CTNNAL1: variants seen among roughly 807,000 people sequenced by gnomAD.
CTNNAL1 encodes the protein catenin alpha like 1.
Under a neutral mutation model 93.6 loss-of-function variants are expected in CTNNAL1, and 69 were observed. The ratio of observed to expected loss-of-function variants is 0.74; its 90% CI spans 0.61 to 0.90. CTNNAL1 has a LOEUF of 0.90. CTNNAL1 is among the 40% of genes least tolerant of loss of function. CTNNAL1 has a pLI of 0.00. For synonymous variants in CTNNAL1, 286 were observed against 305.4 expected (o/e 0.94, Z 0.66); for missense variants, 836 against 862.0 (o/e 0.97, Z 0.38).
chr9:108,985,841 C>T (rs1339206143), intron 4 of CTNNAL1, among the ~76,000 whole-genome samples: 1 of 152,120 alleles, frequency 6.6e-6, no homozygotes, highest in Non-Finnish European at 1.5e-5. Context: ...ACACCATAGG[C>T]TGTATGGTGA....
At chr9:108,999,343 C>A in intron 1 of CTNNAL1, 87 bp from the exon 2 acceptor site, 1 of 1,323,218 alleles carries the variant, frequency 7.6e-7, no homozygotes, top group South Asian at 1.5e-5. Flanking sequence ...TGAAGCCTGG[C>A]ATACTGTATA....
At chr9:108,950,456 T>C in intron 14 of CTNNAL1, 8 of 1,537,412 alleles carry the variant, frequency 5.2e-6, no homozygotes, top group Non-Finnish European at 7.0e-6. Flanking sequence ...AAATGACAGC[T>C]AAACAGCAGC....
chr9:108,993,759 T>C (rs555201178), intron 2 of CTNNAL1, among the ~76,000 whole-genome samples: 2 of 152,370 alleles, frequency 1.3e-5, no homozygotes, highest in African/African-American at 4.8e-5. Flanking sequence ...TCAAGATCAT[T>C]TTTTAAAGTC....
At chr9:108,970,172 T>C (rs1036597205) in intron 10 of CTNNAL1, among the ~76,000 whole-genome samples, 1 of 152,242 alleles carries the variant, frequency 6.6e-6, no homozygotes, top group Non-Finnish European at 1.5e-5. Context: ...AAAATAGATA[T>C]AAACTAGAGT....
chr9:109,012,257 G>A (rs543827944), intron 1 of CTNNAL1, among the ~76,000 whole-genome samples: 1 of 152,358 alleles, frequency 6.6e-6, no homozygotes, highest in African/African-American at 2.4e-5. Flanking sequence ...CTATGCAACA[G>A]CTACAGGCTC....
rs532301135 is a variant in CTNNAL1 at position 108,972,345 on chromosome 9, T to G, written c.1347+330A>C. On this transcript the variant is annotated intron_variant, in intron 9 of 18. Coordinates refer to ENST00000325551, the MANE Select transcript of CTNNAL1 (RefSeq NM_003798.4). ...AAATTGTCCTAATTTGAGTGTGTCA[T>G]CTCCTCCCTGCTGAGACCCTGACAG... is the stretch of plus-strand genomic sequence containing the variant. Among the ~76,000 whole-genome samples, 5 of 152,226 alleles carry G rather than the reference T, an allele frequency of 3.3e-5. No individual in the cohort carries two copies. The South Asian group carries it at 8.3e-4, about 25-fold the overall frequency.
chr9:108,955,569 T>C lies in CTNNAL1; in HGVS notation c.1629+221A>G, dbSNP rs543910077. Among the ~76,000 whole-genome samples the C allele has an allele frequency of 1.6e-4, 24 of 152,334 alleles. No individual in the cohort carries two copies. In the South Asian group the frequency reaches 4.1e-3, roughly 26 times the overall value. ...GGCTTTTTATTAATCACAAATTATG[T>C]TACCTATTCTCTCAAACCCCCAAAC... is the stretch of plus-strand genomic sequence containing the variant. On this transcript the variant is annotated intron_variant, in intron 12 of 18. Transcript: ENST00000325551.
chr9:108,954,466 T>C (rs1391238495), intron 12 of CTNNAL1, among the ~76,000 whole-genome samples: 1 of 152,208 alleles, frequency 6.6e-6, no homozygotes, highest in African/African-American at 2.4e-5. Flanking sequence ...CTCAAAAAAT[T>C]ATTTTGTAGT....
At chr9:108,950,023 CA>C (rs145183101) in intron 14 of CTNNAL1, among the ~76,000 whole-genome samples, 14,715 of 76,072 alleles carry the variant, frequency 0.19, 728 homozygotes, top group African/African-American at 0.31. Flanking sequence ...GGCTACATCT[CA>C]AAAAAAAAAA....
intron 8 of CTNNAL1, among the ~76,000 whole-genome samples, chr9:108,974,950 G>T (rs1288566605): frequency 6.6e-6 from 1 of 152,086 alleles, no homozygotes; most frequent in Non-Finnish European, 1.5e-5. Context: ...ATCGTTTGAG[G>T]TCAGGAGTTT....
intron 1 of CTNNAL1, among the ~76,000 whole-genome samples, chr9:109,004,049 A>G (rs1826937049): frequency 6.6e-6 from 1 of 152,216 alleles, no homozygotes; most frequent in Admixed American, 6.5e-5. Context: ...AGGGCAAGTC[A>G]TAAAGTCACT....
chr9:108,977,658 T>C (rs546634753), intron 7 of CTNNAL1, among the ~76,000 whole-genome samples: 3 of 152,196 alleles, frequency 2.0e-5, no homozygotes, highest in Non-Finnish European at 4.4e-5. Flanking sequence ...CACATCTATT[T>C]TGCACACCAC....
At chr9:108,964,918 A>G (rs1213451090) in intron 11 of CTNNAL1, among the ~76,000 whole-genome samples, 1 of 152,026 alleles carries the variant, frequency 6.6e-6, no homozygotes, top group Non-Finnish European at 1.5e-5. Flanking sequence ...GCTGGACTGC[A>G]GTGGCGCCAT....
intron 1 of CTNNAL1, among the ~76,000 whole-genome samples, chr9:109,012,134 GA>G (rs1827222563): frequency 6.6e-6 from 1 of 152,222 alleles, no homozygotes; most frequent in Admixed American, 6.5e-5. Context: ...CGAAGGTGAA[GA>G]AAATAGGGAT....
At chr9:108,948,105 T>C (rs965065273) in intron 15 of CTNNAL1, 81 bp downstream of exon 15, 3 of 1,465,894 alleles carry the variant, frequency 2.0e-6, no homozygotes, top group African/African-American at 2.8e-5. Context: ...ACACATGATA[T>C]AATAAATCAT....
intron 1 of CTNNAL1, among the ~76,000 whole-genome samples, chr9:109,003,474 G>A (rs996305376): frequency 2.0e-5 from 3 of 152,306 alleles, no homozygotes; most frequent in Non-Finnish European, 4.4e-5. Context: ...GCAAACATGA[G>A]CTACAATTCA....
At chr9:108,976,144 C>A (rs771417415) in intron 8 of CTNNAL1, among the ~76,000 whole-genome samples, 7 of 152,192 alleles carry the variant, frequency 4.6e-5, no homozygotes, top group Non-Finnish European at 8.8e-5. Context: ...CTCCCATGCC[C>A]TTTTGCAGTA....
chr9:108,998,955 C>T, intron 2 of CTNNAL1, 112 bp downstream of exon 2: 1 of 1,270,958 alleles, frequency 7.9e-7, no homozygotes, highest in Non-Finnish European at 1.0e-6. Flanking sequence ...ATGTCTGAGG[C>T]AGACATAATC....
intron 8 of CTNNAL1, 31 bp from the exon 9 acceptor site, chr9:108,972,864 G>GGGGGGGGGGGGGGCCCCCCCCCCC: frequency 7.0e-5 from 10 of 142,536 alleles, no homozygotes; most frequent in Non-Finnish European, 8.1e-5. Context: ...GGGGGGGTGG[G>GGGGGGGGGGGGGGCCCCCCCCCCC]AGGGTGGAGA....
Sources: gnomAD v4.1 joint callset for allele counts (sites outside exome capture counted in the v4.1 genomes callset) on GRCh38, gnomAD v4.1.1 for gene constraint, MANE v1.5 for transcripts, NCBI Gene and HGNC (gene_info 2026-07-23, HGNC 2026-07-21) for gene names.